ZNF226: variants seen among roughly 807,000 people sequenced by gnomAD.
The protein encoded by ZNF226 is Kruppel-associated box protein.
ZNF226 carries 6 observed loss-of-function variants against 11.4 expected under a neutral mutation model. The observed-to-expected ratio is 0.53, with a 90% confidence interval of 0.29 to 1.04. ZNF226 has a LOEUF of 1.04. ZNF226 is among the 50% of genes least tolerant of loss of function. The probability of loss-of-function intolerance (pLI) is 0.08; values close to 1 mark genes in which losing one functional copy is unlikely to be tolerated. For synonymous variants in ZNF226, 350 were observed against 322.8 expected, an observed-to-expected ratio of 1.08 and a Z score of -0.90; for missense variants, 1,058 against 956.5, an observed-to-expected ratio of 1.11 and a Z score of -1.40.
chr19:44,194,616 A>G, the ZNF226 span, among the ~76,000 whole-genome samples: 1 of 152,216 alleles, frequency 6.6e-6, no homozygotes, highest in South Asian at 2.1e-4. Context: ...CAGTTTATTT[A>G]CCAAAGATTT....
chr19:44,177,191 C>G lies in ZNF226; in HGVS notation c.1929C>G (p.Phe643Leu), dbSNP rs755339412. 2 of 1,613,484 alleles carry G rather than the reference C, an allele frequency of 1.2e-6. No homozygotes were observed. Among genetic ancestry groups the G allele is most frequent in the Admixed American group, 3.3e-5 (2 of 59,970 alleles). ...HQRVHSGEKPFKCEECGKSFG... is the reference protein window; with the variant it reads ...HQRVHSGEKPLKCEECGKSFG... ...GAGTCCACAGTGGAGAAAAACCATTCAAATGTGAAGAATGTGGGAAGAGTT... is the reference window on the plus strand; with the variant it reads ...GAGTCCACAGTGGAGAAAAACCATTGAAATGTGAAGAATGTGGGAAGAGTT... The change falls in exon 6 of 6, where the codon TTC becomes TTG. Residue 643 changes from phenylalanine (F) to leucine (L), a missense_variant. Coordinates refer to ENST00000337433, the MANE Select transcript of ZNF226 (RefSeq NM_001032373.2).
At chr19:44,174,067 C>G (rs1970426788) in intron 5 of ZNF226, 1 of 152,110 alleles carries the variant, frequency 6.6e-6, no homozygotes, top group South Asian at 2.1e-4. Flanking sequence ...GTGAACAAAT[C>G]AGCATAAATA....
In ZNF226 at chr19:44,177,047, A is replaced by G; in HGVS notation, c.1785A>G (p.Gly595=). ...KPYKCEECGK[G]FSRRADLKIH... Reference sequence around the variant, plus strand: ...ACAAATGTGAAGAGTGTGGCAAGGGATTTAGTCGTAGAGCAGATCTTAAAA... The same window carrying G: ...ACAAATGTGAAGAGTGTGGCAAGGGGTTTAGTCGTAGAGCAGATCTTAAAA... Residue 595 remains glycine, a synonymous_variant, in exon 6 of 6, where the codon GGA becomes GGG. Coordinates refer to ENST00000337433, the MANE Select transcript of ZNF226 (RefSeq NM_001032373.2). 3.1e-6 allele frequency: 5 copies of G among 1,613,164 alleles called. No individual in the cohort carries two copies. The highest frequency in any genetic ancestry group is 4.2e-6 in the Non-Finnish European group (5 of 1,179,798).
At chr19:44,196,536 G>A in the ZNF226 span, among the ~76,000 whole-genome samples, 1 of 152,182 alleles carries the variant, frequency 6.6e-6, no homozygotes. Flanking sequence ...GGACCACTTT[G>A]ATCATGGAGG....
In ZNF226 at chr19:44,173,236, G is replaced by A. The variant is rs1970316840; in HGVS notation, c.235+284G>A. 1.3e-5 allele frequency: 7 copies of A among 522,596 alleles called. No homozygotes were observed. In the South Asian group the frequency reaches 2.3e-4, roughly 17 times the overall value. The allele number at this position is 522,596 out of a possible 1,614,324, so 32.4% of individuals were successfully genotyped here. Reference sequence around the variant, plus strand: ...TAAAATCCACTTAATGTGGCTGACAGAGTCTTACACGGTGTGCTTTTCATC... The same window carrying A: ...TAAAATCCACTTAATGTGGCTGACAAAGTCTTACACGGTGTGCTTTTCATC... On this transcript the variant is annotated intron_variant, in intron 5 of 5. Coordinates refer to ENST00000337433, the MANE Select transcript of ZNF226 (RefSeq NM_001032373.2).
At chr19:44,178,838 G>A (rs1334984164), downstream of ZNF226, among the ~76,000 whole-genome samples, 1 of 152,100 alleles carries the variant, frequency 6.6e-6, no homozygotes, top group African/African-American at 2.4e-5. Flanking sequence ...AAGGATCCTT[G>A]AAAATGATGA....
At chr19:44,184,001 A>G in the ZNF226 span, among the ~76,000 whole-genome samples, 1 of 152,172 alleles carries the variant, frequency 6.6e-6, no homozygotes, top group Non-Finnish European at 1.5e-5. Flanking sequence ...TTGTTTTTAT[A>G]AATTGTCTCA....
At chr19:44,173,937 T>C (rs535169056) in intron 5 of ZNF226, 2 of 152,382 alleles carry the variant, frequency 1.3e-5, no homozygotes, top group South Asian at 4.1e-4. Context: ...GAATGTTATC[T>C]ATTTGCTTCT....
At chr19:44,171,133 C>G (rs1056709432) in intron 3 of ZNF226, among the ~76,000 whole-genome samples, 1 of 152,072 alleles carries the variant, frequency 6.6e-6, no homozygotes, top group Non-Finnish European at 1.5e-5. Context: ...GTTTTAGGAA[C>G]TACAGTGTTA....
chr19:44,174,335 C>T (rs1258008436), intron 5 of ZNF226: 1 of 152,108 alleles, frequency 6.6e-6, no homozygotes, highest in East Asian at 1.9e-4. Context: ...ACTTTTATTT[C>T]TATTTCTTAG....
the ZNF226 span, among the ~76,000 whole-genome samples, chr19:44,196,318 T>C: frequency 6.6e-6 from 1 of 152,220 alleles, no homozygotes; most frequent in Non-Finnish European, 1.5e-5. Flanking sequence ...ACCATGTCCA[T>C]TCCCAGTGGG....
At chr19:44,188,496 A>G in the ZNF226 span, among the ~76,000 whole-genome samples, 7 of 152,330 alleles carry the variant, frequency 4.6e-5, no homozygotes, top group Middle Eastern at 3.4e-3. Context: ...TTGACATAAT[A>G]TTAGGAATTA....
chr19:44,177,034 A>G lies in ZNF226; in HGVS notation c.1772A>G (p.Glu591Gly), dbSNP rs760651440. ...GGTGAGAAACCATACAAATGTGAAG[A>G]GTGTGGCAAGGGATTTAGTCGTAGA... ...HTGEKPYKCE[E>G]CGKGFSRRAD... The change falls in exon 6 of 6, where the codon GAG becomes GGG. Residue 591 changes from glutamate (E) to glycine (G), a missense_variant. Coordinates refer to ENST00000337433, the MANE Select transcript of ZNF226 (RefSeq NM_001032373.2). 3.1e-6 allele frequency: 5 copies of G among 1,614,098 alleles called. No individual in the cohort carries two copies. The South Asian group carries it at 4.4e-5, about 14-fold the overall frequency.
downstream of ZNF226, among the ~76,000 whole-genome samples, chr19:44,182,848 G>C (rs1970927930): frequency 2.0e-5 from 3 of 152,142 alleles, no homozygotes. Flanking sequence ...ATAGATTGTG[G>C]TGTCCCTCTG....
chr19:44,195,936 G>A, the ZNF226 span, among the ~76,000 whole-genome samples: 41 of 152,268 alleles, frequency 2.7e-4, no homozygotes, highest in Non-Finnish European at 5.0e-4. Flanking sequence ...ACCTAAAACC[G>A]GACAGCTGGC....
chr19:44,177,766 C>A, downstream of ZNF226: 1 of 1,336,296 alleles, frequency 7.5e-7, no homozygotes, highest in Non-Finnish European at 1.0e-6. Flanking sequence ...CCCAGTGGTC[C>A]AAAGACAACA....
intron 5 of ZNF226, chr19:44,174,337 A>G (rs1209845386): frequency 2.0e-5 from 3 of 152,116 alleles, no homozygotes; most frequent in African/African-American, 7.2e-5. Flanking sequence ...TTTTATTTCT[A>G]TTTCTTAGGT....
the ZNF226 span, among the ~76,000 whole-genome samples, chr19:44,191,722 G>A: frequency 2.6e-5 from 4 of 151,688 alleles, no homozygotes; most frequent in Non-Finnish European, 4.4e-5. Flanking sequence ...CTTAATCAGA[G>A]TGAAAAGAGA....
rs984138209 is a variant in ZNF226, at chr19:44,175,856, A to G, written c.594A>G (p.Gln198=). The change falls in exon 6 of 6, where the codon CAA becomes CAG. Residue 198 remains glutamine (Q), a synonymous_variant. Transcript: ENST00000337433. The part of the protein sequence containing the change: ...QQISIKNKLC[Q]CKKGVDPIGW... ...TTTCCATAAAAAATAAATTATGTCA[A>G]TGTAAGAAGGGTGTTGATCCCATCG... The G allele has an allele frequency of 5.6e-6, 9 of 1,613,676 alleles. No individual in the cohort carries two copies. Among genetic ancestry groups the G allele is most frequent in the African/African-American group, 1.3e-5 (1 of 75,028 alleles).
Sources: allele counts gnomAD v4.1 joint callset (sites outside exome capture counted in the v4.1 genomes callset), GRCh38; gene constraint gnomAD v4.1.1; transcripts MANE v1.5; gene names NCBI Gene and HGNC (gene_info 2026-07-23, HGNC 2026-07-21).